TUBG2: variants seen among roughly 807,000 people sequenced by gnomAD.
The protein encoded by TUBG2 is tubulin gamma 2, also known as tubulin gamma-2 chain.
Under a neutral mutation model 55.1 loss-of-function variants are expected in TUBG2, and 39 were observed. The ratio of observed to expected loss-of-function variants is 0.71; its 90% confidence interval spans 0.55 to 0.93. The LOEUF (loss-of-function observed/expected upper bound fraction) is 0.93, where lower values mean the gene tolerates loss of function less well. Ranked by LOEUF, TUBG2 falls within the 40% of genes least tolerant of loss-of-function variation. The pLI is 0.00. For synonymous variants in TUBG2, 223 were observed against 241.0 expected (o/e 0.93, Z 0.69); for missense variants, 358 against 599.1 (o/e 0.60, Z 4.20).
intron 6 of TUBG2, among the ~76,000 whole-genome samples, chr17:42,664,220 G>C (rs1472161698): frequency 6.6e-6 from 1 of 151,408 alleles, no homozygotes; most frequent in Non-Finnish European, 1.5e-5. Flanking sequence ...AGGCTGCAGT[G>C]AGCCATGATC....
intron 1 of TUBG2, 79 bp from the exon 2 acceptor site, chr17:42,659,755 G>A: frequency 1.3e-6 from 2 of 1,563,308 alleles, no homozygotes; most frequent in Non-Finnish European, 8.7e-7. Context: ...CCCTCTGATC[G>A]TGTCAGCCTC....
At position 42,659,853 on chromosome 17, in the gene TUBG2, A is replaced by C. The variant is rs2052342319; in HGVS notation, c.69A>C (p.Lys23Asn). The change falls in exon 2 of 11, where the codon AAA becomes AAC. Residue 23 changes from lysine to asparagine, a missense_variant. Lys to Asn is a moderately conservative substitution (Grantham distance 94). This residue lies in a region of TUBG2 where 32 missense variants were observed against 115.1 expected (regional missense o/e 0.28). Coordinates refer to ENST00000251412, the MANE Select transcript of TUBG2 (RefSeq NM_016437.3). ...CGNQIGFEFW[K>N]QLCAEHGISP... ...CCCCAGTTGGGTTCGAGTTCTGGAA[A>C]CAGCTGTGCGCCGAGCATGGTATCA... The C allele has an allele frequency of 1.9e-6, 3 of 1,614,076 alleles. No individual in the cohort carries two copies. The highest frequency in any genetic ancestry group is 4.5e-5 in the East Asian group (2 of 44,872).
chr17:42,665,122 A>C (rs2052493184), intron 6 of TUBG2, among the ~76,000 whole-genome samples: 1 of 151,990 alleles, frequency 6.6e-6, no homozygotes, highest in Non-Finnish European at 1.5e-5. Flanking sequence ...ATCTTGGCTA[A>C]CTGCAAACTC....
At position 42,659,568 on chromosome 17, in the gene TUBG2, C is replaced by T; in HGVS notation, c.49+16C>T. On this transcript the variant is annotated intron_variant, in intron 1 of 10. Transcript: ENST00000251412. ...GGCAACCAGAGTGAGCAAGCGAGCG[C>T]CGGCCCCGCCGGTCTCTGGTTCTGC... is the stretch of plus-strand genomic sequence containing the variant. 2 of 1,514,274 alleles carry T rather than the reference C, an allele frequency of 1.3e-6. No individual in the cohort carries two copies. Among genetic ancestry groups the T allele is most frequent in the East Asian group, 2.5e-5 (1 of 40,808 alleles). 93.8% of individuals were successfully genotyped at this position (1,514,274 alleles called of 1,614,324 possible). A position where few individuals can be genotyped will look rare whatever the true frequency, so the allele number is the denominator to read the frequency against.
At chr17:42,666,551 A>G in intron 10 of TUBG2, 52 bp from the exon 11 acceptor site, 1 of 1,613,630 alleles carries the variant, frequency 6.2e-7, no homozygotes, top group South Asian at 1.1e-5. Flanking sequence ...ATCTTCCCCA[A>G]GTTCACTCCT....
intron 8 of TUBG2, 22 bp from the exon 9 acceptor site, chr17:42,666,065 C>T: frequency 1.2e-6 from 2 of 1,613,890 alleles, no homozygotes; most frequent in Non-Finnish European, 1.7e-6. Context: ...CTGGCCGGGT[C>T]CCTGTCTCAC....
At chr17:42,664,862 A>ATATATATATG (rs1555635443) in intron 6 of TUBG2, among the ~76,000 whole-genome samples, 9 of 144,836 alleles carry the variant, frequency 6.2e-5, no homozygotes, top group African/African-American at 2.3e-4. Context: ...TTATATATAT[A>ATATATATATG]TATATATATT....
At position 42,666,183 on chromosome 17, in the gene TUBG2, A is replaced by C. The variant is rs2143528277; in HGVS notation, c.940A>C (p.Asn314His). 1 of 1,613,940 alleles carries C rather than the reference A, an allele frequency of 6.2e-7. No homozygotes were observed. Among genetic ancestry groups the C allele is most frequent in the Middle Eastern group, 1.7e-4 (1 of 6,056 alleles). The change falls in exon 9 of 11, where the codon AAC becomes CAC. Residue 314 changes from asparagine to histidine, a missense_variant. Physicochemically the swap from Asn to His is moderately conservative, Grantham distance 68. Coordinates refer to ENST00000251412, the MANE Select transcript of TUBG2 (RefSeq NM_016437.3). The stretch of plus-strand genomic sequence containing the variant: ...GTCCACAGGCCGAGACCGCCAGACC[A>C]ACCACTGCTACATCGCCATCCTCAA... ...MVSTGRDRQT[N>H]HCYIAILNII...
intron 6 of TUBG2, 28 bp downstream of exon 6, chr17:42,663,531 G>A (rs778982823): frequency 8.7e-6 from 14 of 1,612,618 alleles, no homozygotes; most frequent in Non-Finnish European, 1.2e-5. Context: ...TGAGGGGCTG[G>A]GTGTGGTGGC....
In TUBG2 at chr17:42,665,667, C is replaced by T; in HGVS notation, c.694-11C>T. 1 of 1,614,146 alleles carries T rather than the reference C, an allele frequency of 6.2e-7. No homozygotes were observed. Among genetic ancestry groups the T allele is most frequent in the Non-Finnish European group, 8.5e-7 (1 of 1,180,026 alleles). The stretch of plus-strand genomic sequence containing the variant: ...AGGCCGAGCCCCATGACATGGCACG[C>T]CTGTCCCCAGGTGTCCACCATCATG... On this transcript the variant is annotated splice_polypyrimidine_tract_variant and intron_variant, in intron 7 of 10. Coordinates refer to ENST00000251412, the MANE Select transcript of TUBG2 (RefSeq NM_016437.3).
At chr17:42,666,557 C>T (rs1434870716) in intron 10 of TUBG2, 46 bp from the exon 11 acceptor site, 2 of 1,613,960 alleles carry the variant, frequency 1.2e-6, no homozygotes, top group Non-Finnish European at 1.7e-6. Flanking sequence ...CCCAAGTTCA[C>T]TCCTAACCCC....
chr17:42,663,942 C>A (rs375586761), intron 6 of TUBG2, among the ~76,000 whole-genome samples: 142 of 130,082 alleles, frequency 1.1e-3, no homozygotes, highest in African/African-American at 1.1e-3. Flanking sequence ...GACTCTGTCT[C>A]AAAAAAAAAA....
chr17:42,659,919 T>C lies in TUBG2; in HGVS notation c.135T>C (p.Thr45=). 1 of 1,612,008 alleles carries C rather than the reference T, an allele frequency of 6.2e-7. No individual in the cohort carries two copies. The highest frequency in any genetic ancestry group is 8.5e-7 in the Non-Finnish European group (1 of 1,178,728). ...GIVEEFATEG[T]DRKDVFFYQA... ...TGGAGGAATTCGCCACCGAGGGCAC[T>C]GACCGCAAGGACGTCTTTTTCTACC... The change falls in exon 2 of 11, where the codon ACT becomes ACC. Residue 45 remains threonine, a synonymous_variant. Transcript: ENST00000251412.
chr17:42,660,439 G>A lies in TUBG2; in HGVS notation c.330+123G>A, dbSNP rs150818913. 150 of 1,505,452 alleles carry A rather than the reference G, an allele frequency of 1.0e-4. No individual in the cohort carries two copies. In the African/African-American group the frequency reaches 1.6e-3, roughly 17 times the overall value. The allele number at this position is 1,505,452 out of a possible 1,614,324, so 93.3% of individuals were successfully genotyped here. A position where few individuals can be genotyped will look rare whatever the true frequency, so the allele number is the denominator to read the frequency against. On this transcript the variant is annotated intron_variant, in intron 3 of 10. Coordinates refer to ENST00000251412, the MANE Select transcript of TUBG2 (RefSeq NM_016437.3). ...AGACAAAAGGATGTCCCGAACAAGA[G>A]GGACAGCCAGGGAGAGGTTTATGCA... is the stretch of plus-strand genomic sequence containing the variant.
intron 1 of TUBG2, 89 bp from the exon 2 acceptor site, chr17:42,659,741 TCCAC>T: frequency 6.6e-7 from 1 of 1,520,914 alleles, no homozygotes. Context: ...GCATCTTGGG[TCCAC>T]CCTCTGATCG....
intron 2 of TUBG2, 50 bp from the exon 3 acceptor site, chr17:42,660,099 A>G: frequency 7.1e-7 from 1 of 1,404,144 alleles, no homozygotes; most frequent in Non-Finnish European, 9.8e-7. Flanking sequence ...AGGACTTCGG[A>G]CTTGGGCCGC....
chr17:42,659,492 G>C lies in TUBG2; in HGVS notation c.-12G>C. ...GCCAGGCCGGGGCTGGCGCGCCCAC[G>C]TCTGAAGAGCGATGCCCCGGGAGAT... is the stretch of plus-strand genomic sequence containing the variant. On this transcript the variant is annotated 5_prime_UTR_variant, in exon 1 of 11. Transcript: ENST00000251412. 2 of 1,549,342 alleles carry C rather than the reference G, an allele frequency of 1.3e-6. No individual in the cohort carries two copies. Among genetic ancestry groups the C allele is most frequent in the Non-Finnish European group, 1.7e-6 (2 of 1,147,082 alleles).
At chr17:42,660,430 C>G (rs552749376) in intron 3 of TUBG2, 114 bp downstream of exon 3, 9 of 1,534,354 alleles carry the variant, frequency 5.9e-6, no homozygotes, top group Non-Finnish European at 7.1e-6. Context: ...AAGGATGTCC[C>G]GAACAAGAGG....
chr17:42,659,739 G>A, intron 1 of TUBG2, 95 bp from the exon 2 acceptor site: 1 of 1,513,368 alleles, frequency 6.6e-7, no homozygotes, highest in Middle Eastern at 1.7e-4. Context: ...AGGCATCTTG[G>A]GTCCACCCTC....
Sources: gnomAD v4.1 joint callset for allele counts (sites outside exome capture counted in the v4.1 genomes callset) on GRCh38, gnomAD v4.1.1 for gene constraint, gnomAD v4.1.1 regional missense constraint, MANE v1.5 for transcripts, NCBI Gene and HGNC (gene_info 2026-07-23, HGNC 2026-07-21) for gene names.